FHIT: variants seen among roughly 807,000 people sequenced by gnomAD.
FHIT encodes the protein fragile histidine triad diadenosine triphosphatase.
In FHIT, 19 loss-of-function variants were observed where a neutral mutation model predicts 17.9. The observed-to-expected ratio is 1.06, with a 90% confidence interval of 0.74 to 1.56. FHIT has a LOEUF of 1.56. Ranked by LOEUF, FHIT falls within the 40% of genes most tolerant of loss-of-function variation. The pLI, the probability that FHIT is intolerant of heterozygous loss-of-function variation, is 0.00. For missense variants in FHIT, 248 were observed against 189.2 expected, an observed-to-expected ratio of 1.31 and a Z score of -1.82; for synonymous variants, 81 against 69.7, an observed-to-expected ratio of 1.16 and a Z score of -0.81.
At position 60,027,147 on chromosome 3, in the gene FHIT, AC is replaced by A. The variant is rs368966373; in HGVS notation, c.104-12996del. 2.5e-3 allele frequency among the ~76,000 whole-genome samples: 316 copies of A among 126,094 alleles called. 7 individuals carry two copies. Among genetic ancestry groups the A allele is most frequent in the South Asian group, 7.9e-3 (27 of 3,432 alleles). 82.7% of individuals were successfully genotyped at this position (126,094 alleles called of 152,430 possible). A position where few individuals can be genotyped will look rare whatever the true frequency, so the allele number is the denominator to read the frequency against. On this transcript the variant is annotated intron_variant, in intron 5 of 9. Coordinates refer to ENST00000492590, the MANE Select transcript of FHIT (RefSeq NM_002012.4). ...CACACACACACACACACACACACAC[AC>A]AAAATTAGTAAACCCAATAATCCAC... is the stretch of plus-strand genomic sequence containing the variant.
At chr3:60,836,992 T>C (rs929452070) in intron 3 of FHIT, among the ~76,000 whole-genome samples, 4 of 152,202 alleles carry the variant, frequency 2.6e-5, no homozygotes, top group Admixed American at 2.0e-4. Context: ...TTGTTGATTA[T>C]TATTTCATTC....
chr3:60,099,255 C>G (rs573163373), intron 5 of FHIT, among the ~76,000 whole-genome samples: 13 of 152,290 alleles, frequency 8.5e-5, no homozygotes, highest in South Asian at 8.3e-4. Context: ...ATCTACCAAC[C>G]AAGAATTTTT....
At chr3:61,143,561 T>A (rs1468640234) in intron 2 of FHIT, among the ~76,000 whole-genome samples, 4 of 152,086 alleles carry the variant, frequency 2.6e-5, no homozygotes, top group Admixed American at 1.3e-4. Flanking sequence ...GTCAAGAAAA[T>A]TAATACCTAA....
At chr3:60,188,104 A>T (rs1329810138) in intron 5 of FHIT, among the ~76,000 whole-genome samples, 1 of 152,082 alleles carries the variant, frequency 6.6e-6, no homozygotes, top group Non-Finnish European at 1.5e-5. Flanking sequence ...TGGACCATCT[A>T]CACCTTTTGT....
At chr3:60,124,069 G>C (rs1412465626) in intron 5 of FHIT, among the ~76,000 whole-genome samples, 1 of 137,608 alleles carries the variant, frequency 7.3e-6, no homozygotes, top group African/African-American at 2.7e-5. Flanking sequence ...GAGAGAGAGA[G>C]AGATACAAAG....
chr3:60,591,912 C>T (rs1163545763), intron 4 of FHIT, among the ~76,000 whole-genome samples: 10 of 151,858 alleles, frequency 6.6e-5, no homozygotes, highest in Non-Finnish European at 1.3e-4. Context: ...GAGCATTTAC[C>T]CCGACCATAC....
intron 3 of FHIT, among the ~76,000 whole-genome samples, chr3:60,865,413 A>G (rs1319096151): frequency 6.6e-6 from 1 of 152,212 alleles, no homozygotes; most frequent in Admixed American, 6.5e-5. Flanking sequence ...TGTTGCAGGA[A>G]TATCTGTTGG....
chr3:61,121,428 G>C (rs1018759286), intron 2 of FHIT, among the ~76,000 whole-genome samples: 5 of 152,056 alleles, frequency 3.3e-5, no homozygotes, highest in African/African-American at 1.2e-4. Flanking sequence ...AAGAGAATGG[G>C]GGCCAACATT....
At chr3:60,502,364 G>A (rs1246085691) in intron 5 of FHIT, among the ~76,000 whole-genome samples, 2 of 152,180 alleles carry the variant, frequency 1.3e-5, no homozygotes, top group African/African-American at 4.8e-5. Flanking sequence ...CTGTCTCCAA[G>A]GAGCTGTCCT....
intron 2 of FHIT, among the ~76,000 whole-genome samples, chr3:61,178,005 G>A (rs2107157177): frequency 6.6e-6 from 1 of 152,234 alleles, no homozygotes; most frequent in Non-Finnish European, 1.5e-5. Context: ...TGGTCTGGAT[G>A]GTGTTTAAAT....
In FHIT at chr3:60,243,959, T is replaced by G. The variant is rs1047110572; in HGVS notation, c.104-229807A>C. ...TTCAGGAATCCTGACGTTACCATCA[T>G]GTACACTCGGTTAAATGGTTTGTAT... is the stretch of plus-strand genomic sequence containing the variant. On this transcript the variant is annotated intron_variant, in intron 5 of 9. Coordinates refer to ENST00000492590, the MANE Select transcript of FHIT (RefSeq NM_002012.4). Among the ~76,000 whole-genome samples the G allele has an allele frequency of 5.0e-4, 76 of 152,084 alleles. 3 individuals are homozygous for G. The highest frequency in any genetic ancestry group is 2.6e-4 in the Admixed American group (4 of 15,238).
intron 4 of FHIT, among the ~76,000 whole-genome samples, chr3:60,597,776 C>A (rs1446443614): frequency 6.6e-6 from 1 of 152,120 alleles, no homozygotes; most frequent in African/African-American, 2.4e-5. Flanking sequence ...ATTCTTCTTG[C>A]TTTATCTGAA....
chr3:60,224,811 C>T (rs988856122), intron 5 of FHIT, among the ~76,000 whole-genome samples: 1 of 151,868 alleles, frequency 6.6e-6, no homozygotes, highest in Admixed American at 6.5e-5. Context: ...AACTCCGGCT[C>T]CCAGGTTCAA....
chr3:60,564,609 T>C (rs566086477), intron 4 of FHIT, among the ~76,000 whole-genome samples: 39 of 152,178 alleles, frequency 2.6e-4, no homozygotes, highest in Non-Finnish European at 5.0e-4. Flanking sequence ...CCAGCCCTCA[T>C]GGATGACTTT....
chr3:60,567,251 C>A (rs1311599888), intron 4 of FHIT, among the ~76,000 whole-genome samples: 1 of 151,394 alleles, frequency 6.6e-6, no homozygotes, highest in African/African-American at 2.4e-5. Context: ...GGTACTGGTA[C>A]CAAAACAGAG....
At chr3:60,191,497 C>T (rs1390527733) in intron 5 of FHIT, among the ~76,000 whole-genome samples, 1 of 152,146 alleles carries the variant, frequency 6.6e-6, no homozygotes, top group African/African-American at 2.4e-5. Context: ...GTGTACATTG[C>T]TCACATACAA....
At chr3:60,099,510 T>C (rs1045966856) in intron 5 of FHIT, among the ~76,000 whole-genome samples, 1 of 152,130 alleles carries the variant, frequency 6.6e-6, no homozygotes, top group African/African-American at 2.4e-5. Context: ...TGTTAACCTG[T>C]ACCCTCTATG....
At chr3:60,042,878 T>C (rs530466939) in intron 5 of FHIT, among the ~76,000 whole-genome samples, 97 of 152,246 alleles carry the variant, frequency 6.4e-4, no homozygotes, top group African/African-American at 2.3e-3. Flanking sequence ...AAAGGTACCA[T>C]TGTCACATAT....
intron 7 of FHIT, among the ~76,000 whole-genome samples, chr3:59,962,621 C>T (rs1707739164): frequency 6.6e-6 from 1 of 152,162 alleles, no homozygotes. Flanking sequence ...TTGTTGACTA[C>T]AAGGTTATAG....
Sources: allele counts gnomAD v4.1 joint callset (sites outside exome capture counted in the v4.1 genomes callset), GRCh38; gene constraint gnomAD v4.1.1; transcripts MANE v1.5; gene names NCBI Gene and HGNC (gene_info 2026-07-23, HGNC 2026-07-21).